The following KHDRBS2 variants were observed in gnomAD, a reference collection of about 807,000 sequenced individuals.
KHDRBS2 encodes KH domain-containing, RNA-binding, signal transduction-associated protein 2.
In KHDRBS2, 26 loss-of-function variants were observed where a neutral mutation model predicts 44.3. That is an observed-to-expected ratio of 0.59 (90% confidence interval 0.43 to 0.81). The LOEUF is 0.81. Ranked by LOEUF, KHDRBS2 falls within the 40% of genes least tolerant of loss-of-function variation. The pLI is 0.00. For synonymous variants in KHDRBS2, 194 were observed against 151.1 expected (o/e 1.28, Z -2.08); for missense variants, 476 against 433.1 (o/e 1.10, Z -0.88).
the KHDRBS2 span, among the ~76,000 whole-genome samples, chr6:61,556,809 C>G: frequency 7.0e-6 from 1 of 143,742 alleles, no homozygotes; most frequent in African/African-American, 2.5e-5. Context: ...ACTAAAGGGT[C>G]AATATTTAAT....
intron 6 of KHDRBS2, among the ~76,000 whole-genome samples, chr6:61,887,583 G>C (rs1426415856): frequency 6.6e-6 from 1 of 152,172 alleles, no homozygotes; most frequent in East Asian, 1.9e-4. Flanking sequence ...CAGGCCAGCT[G>C]CAAGGAGTGG....
intron 1 of KHDRBS2, among the ~76,000 whole-genome samples, chr6:62,179,322 G>A (rs985718608): frequency 1.3e-5 from 2 of 151,526 alleles, no homozygotes; most frequent in Non-Finnish European, 3.0e-5. Flanking sequence ...TAAGTTATAT[G>A]TCTATAATTT....
At chr6:61,872,310 T>C (rs1201913436) in intron 6 of KHDRBS2, among the ~76,000 whole-genome samples, 2 of 152,140 alleles carry the variant, frequency 1.3e-5, no homozygotes, top group Non-Finnish European at 2.9e-5. Context: ...TTAAGTATAG[T>C]GCATGTGAAT....
At chr6:62,112,633 C>T (rs1584778826) in intron 2 of KHDRBS2, among the ~76,000 whole-genome samples, 1 of 152,034 alleles carries the variant, frequency 6.6e-6, no homozygotes, top group African/African-American at 2.4e-5. Context: ...AATGAAAACA[C>T]TTATATAATG....
chr6:61,924,732 T>C (rs903013654), intron 4 of KHDRBS2, among the ~76,000 whole-genome samples: 4 of 151,912 alleles, frequency 2.6e-5, no homozygotes, highest in Non-Finnish European at 5.9e-5. Flanking sequence ...TCTTATATTC[T>C]ATTTAATATT....
chr6:61,851,940 G>A (rs1795481757), intron 6 of KHDRBS2, among the ~76,000 whole-genome samples: 1 of 152,184 alleles, frequency 6.6e-6, no homozygotes, highest in African/African-American at 2.4e-5. Context: ...ATGTAAACCA[G>A]GCTGGGTGCA....
the KHDRBS2 span, among the ~76,000 whole-genome samples, chr6:61,574,827 G>T: frequency 0.81 from 122,520 of 152,018 alleles, 49,857 homozygotes; most frequent in African/African-American, 0.91. Flanking sequence ...GATAATTGCT[G>T]GAACTCAGAA....
chr6:61,837,014 C>T (rs1010446575), intron 6 of KHDRBS2, among the ~76,000 whole-genome samples: 7 of 151,682 alleles, frequency 4.6e-5, no homozygotes, highest in African/African-American at 1.5e-4. Context: ...GTGACAGAGT[C>T]CTTCCAAACC....
At chr6:62,077,716 A>T (rs190593030) in intron 2 of KHDRBS2, among the ~76,000 whole-genome samples, 172 of 152,124 alleles carry the variant, frequency 1.1e-3, no homozygotes, top group Non-Finnish European at 2.1e-3. Context: ...GGGCTTGATT[A>T]TACCTTCGGT....
the KHDRBS2 span, among the ~76,000 whole-genome samples, chr6:61,569,068 C>T: frequency 6.6e-6 from 1 of 152,114 alleles, no homozygotes; most frequent in Non-Finnish European, 1.5e-5. Flanking sequence ...GATTGGGGCA[C>T]TGTGGGAGTG....
intron 6 of KHDRBS2, among the ~76,000 whole-genome samples, chr6:61,739,719 TAA>T (rs773272568): frequency 2.6e-5 from 4 of 152,044 alleles, no homozygotes; most frequent in Non-Finnish European, 5.9e-5. Context: ...ATCTGTAGTG[TAA>T]AAACTCTTAT....
intron 4 of KHDRBS2, among the ~76,000 whole-genome samples, chr6:61,935,350 A>T (rs902454250): frequency 6.6e-6 from 1 of 152,198 alleles, no homozygotes; most frequent in African/African-American, 2.4e-5. Flanking sequence ...TGGACTAACA[A>T]CAGGACAAGA....
intron 3 of KHDRBS2, among the ~76,000 whole-genome samples, chr6:61,980,753 A>C (rs1172326037): frequency 6.6e-6 from 1 of 152,196 alleles, no homozygotes; most frequent in Non-Finnish European, 1.5e-5. Flanking sequence ...TCTCAGGCTG[A>C]TTTACAGCCC....
At chr6:61,612,700 G>A in the KHDRBS2 span, among the ~76,000 whole-genome samples, 1 of 152,118 alleles carries the variant, frequency 6.6e-6, no homozygotes, top group East Asian at 1.9e-4. Context: ...TTATGGACAA[G>A]AATATTGAGA....
chr6:62,164,552 A>G (rs529541325), intron 2 of KHDRBS2, among the ~76,000 whole-genome samples: 1 of 151,980 alleles, frequency 6.6e-6, no homozygotes, highest in East Asian at 1.9e-4. Context: ...ACTTCAAATT[A>G]TCTGTCTTAC....
intron 6 of KHDRBS2, among the ~76,000 whole-genome samples, chr6:61,842,905 A>C (rs551855909): frequency 6.6e-6 from 1 of 152,190 alleles, no homozygotes; most frequent in Non-Finnish European, 1.5e-5. Flanking sequence ...CTATAGATAC[A>C]TATAATCTAT....
chr6:62,028,153 A>T (rs1200318422), intron 3 of KHDRBS2, among the ~76,000 whole-genome samples: 1 of 152,118 alleles, frequency 6.6e-6, no homozygotes, highest in Non-Finnish European at 1.5e-5. Flanking sequence ...GTGTCAGAGA[A>T]TCAGCTGGTA....
At chr6:61,815,091 C>T (rs2127241905) in intron 6 of KHDRBS2, among the ~76,000 whole-genome samples, 1 of 151,918 alleles carries the variant, frequency 6.6e-6, no homozygotes, top group East Asian at 1.9e-4. Flanking sequence ...GGCACAACCA[C>T]TCATTTTTTT....
chr6:61,749,013 T>TTTTTTTTTTTTTTTTTTTTTTG (rs1777258340), intron 6 of KHDRBS2, among the ~76,000 whole-genome samples: 1 of 131,544 alleles, frequency 7.6e-6, no homozygotes, highest in Non-Finnish European at 1.7e-5. Context: ...TTCTTTCTTT[T>TTTTTTTTTTTTTTTTTTTTTTG]TTTTTTTTTT....
Sources: gnomAD v4.1 joint callset for allele counts (sites outside exome capture counted in the v4.1 genomes callset) on GRCh38, gnomAD v4.1.1 for gene constraint, MANE v1.5 for transcripts, NCBI Gene and HGNC (gene_info 2026-07-23, HGNC 2026-07-21) for gene names.